ZGRF1: variants seen among roughly 807,000 people sequenced by gnomAD.
ZGRF1 encodes the protein zinc finger GRF-type containing 1, also known as 5'-3' DNA helicase ZGRF1.
ZGRF1 carries 196 observed loss-of-function variants against 203.5 expected under a neutral mutation model. The ratio of observed to expected loss-of-function variants is 0.96; its 90% confidence interval spans 0.86 to 1.08. The LOEUF (loss-of-function observed/expected upper bound fraction) is 1.08, where lower values mean the gene tolerates loss of function less well. Ranked by LOEUF, ZGRF1 falls within the 50% of genes least tolerant of loss-of-function variation. ZGRF1 has a pLI of 0.00. For missense variants in ZGRF1, 2,326 were observed against 2,416.3 expected (o/e 0.96, Z 0.78); for synonymous variants, 809 against 841.3 (o/e 0.96, Z 0.66).
chr4:112,581,848 C>T, intron 15 of ZGRF1, 46 bp from the exon 16 acceptor site: 1 of 1,044,474 alleles, frequency 9.6e-7, no homozygotes, highest in Non-Finnish European at 1.3e-6. Flanking sequence ...TATTAAGATG[C>T]AAGTTTTTTG....
intron 16 of ZGRF1, among the ~76,000 whole-genome samples, chr4:112,563,831 G>A (rs1308928087): frequency 6.6e-6 from 1 of 152,156 alleles, no homozygotes; most frequent in Non-Finnish European, 1.5e-5. Context: ...TGAATAACCA[G>A]TGAAGGCTCA....
intron 24 of ZGRF1, among the ~76,000 whole-genome samples, chr4:112,542,974 G>T (rs189549769): frequency 6.6e-6 from 1 of 152,050 alleles, no homozygotes; most frequent in East Asian, 1.9e-4. Context: ...TAGATTATAG[G>T]CATGAGCCAT....
chr4:112,620,634 G>A (rs1329441321), intron 4 of ZGRF1, among the ~76,000 whole-genome samples: 1 of 152,054 alleles, frequency 6.6e-6, no homozygotes, highest in Non-Finnish European at 1.5e-5. Context: ...CAAGGCAGGG[G>A]GATTGCTTGA....
intron 13 of ZGRF1, among the ~76,000 whole-genome samples, 199 bp from the exon 14 acceptor site, chr4:112,585,924 A>G (rs1200114685): frequency 6.6e-6 from 1 of 151,574 alleles, no homozygotes; most frequent in African/African-American, 2.4e-5. Flanking sequence ...AAAAAAAGGA[A>G]GAAAAACTCT....
chr4:112,558,427 A>G (rs372533148), intron 19 of ZGRF1, 118 bp from the exon 20 acceptor site: 4 of 783,222 alleles, frequency 5.1e-6, no homozygotes, highest in East Asian at 3.5e-5. Context: ...GAGTGCAGTG[A>G]CACAATCTCA....
At position 112,557,529 on chromosome 4, in the gene ZGRF1, A is replaced by C. The variant is rs1173982211; in HGVS notation, c.5120+621T>G. 7.9e-5 allele frequency among the ~76,000 whole-genome samples: 12 copies of C among 152,168 alleles called. No homozygotes were observed. In the East Asian group the frequency reaches 2.3e-3, roughly 29 times the overall value. On this transcript the variant is annotated intron_variant, in intron 20 of 27. Transcript: ENST00000505019. ...CCCAAGACTTCTAGATCAGAGACAAAGGACTTTTACTTATGGCACAGGAAG... is the reference window on the plus strand; with the variant it reads ...CCCAAGACTTCTAGATCAGAGACAACGGACTTTTACTTATGGCACAGGAAG...
rs976701282 is a variant in ZGRF1, at chr4:112,612,662, A to G, written c.2603-74T>C. On this transcript the variant is annotated intron_variant, in intron 6 of 27. Transcript: ENST00000505019. ...CTCTAAAATTTAACTTATTCCTAAA[A>G]CCAAAACAAGGAATATAACTTAAAT... 1.1e-5 allele frequency: 10 copies of G among 918,952 alleles called. No homozygotes were observed. The African/African-American group carries it at 1.5e-4, about 14-fold the overall frequency. 56.9% of individuals were successfully genotyped at this position (918,952 alleles called of 1,614,324 possible).
chr4:112,630,772 C>G (rs1438038701), intron 3 of ZGRF1, among the ~76,000 whole-genome samples: 2 of 151,736 alleles, frequency 1.3e-5, no homozygotes, highest in East Asian at 3.9e-4. Flanking sequence ...CACCTGTAGT[C>G]CCAGCTACTT....
rs1578292189 is a variant in ZGRF1, at chr4:112,564,864, C to A, written c.4439-1590G>T. The A allele has an allele frequency of 2.0e-5, 12 of 610,194 alleles. No homozygotes were observed. In the East Asian group the frequency reaches 3.3e-4, roughly 17 times the overall value. 37.8% of individuals were successfully genotyped at this position (610,194 alleles called of 1,614,324 possible). The stretch of plus-strand genomic sequence containing the variant: ...TCCTTCGAAGGTCACATTATAAATT[C>A]TTTTTACTGAATTGTGTTCGCAGCC... On this transcript the variant is annotated intron_variant, in intron 16 of 27. Coordinates refer to ENST00000505019, the MANE Select transcript of ZGRF1 (RefSeq NM_018392.5).
At position 112,603,553 on chromosome 4, in the gene ZGRF1, T is replaced by C. The variant is rs1424686576; in HGVS notation, c.2947A>G (p.Ser983Gly). 1 of 1,613,250 alleles carries C rather than the reference T, an allele frequency of 6.2e-7. No individual in the cohort carries two copies. The highest frequency in any genetic ancestry group is 8.5e-7 in the Non-Finnish European group (1 of 1,179,638). The part of the protein sequence containing the change: ...NFMTETPELP[S>G]TCMQIDFLQV... Reference sequence around the variant, plus strand: ...AAGAAGTCAATCTGCATACACGTGCTAGGTAACTCTGGTGTCTCTGTCATA... The same window carrying C: ...AAGAAGTCAATCTGCATACACGTGCCAGGTAACTCTGGTGTCTCTGTCATA... Residue 983 changes from serine (S) to glycine (G), a missense_variant, in exon 10 of 28, where the codon AGC becomes GGC. Physicochemically the swap from Ser to Gly is moderately conservative, Grantham distance 56. Coordinates refer to ENST00000505019, the MANE Select transcript of ZGRF1 (RefSeq NM_018392.5).
chr4:112,594,836 A>C (rs888631551), intron 10 of ZGRF1, among the ~76,000 whole-genome samples: 5 of 152,026 alleles, frequency 3.3e-5, no homozygotes, highest in African/African-American at 1.2e-4. Flanking sequence ...TTTTAATTCT[A>C]TTTCTTCCTT....
chr4:112,627,268 T>C (rs1025896376), intron 3 of ZGRF1, among the ~76,000 whole-genome samples: 2 of 152,228 alleles, frequency 1.3e-5, no homozygotes, highest in African/African-American at 2.4e-5. Flanking sequence ...TAAGAGGCTA[T>C]GCTTTCATAA....
chr4:112,624,667 G>A (rs2047172197), intron 3 of ZGRF1, among the ~76,000 whole-genome samples: 1 of 151,158 alleles, frequency 6.6e-6, no homozygotes, highest in African/African-American at 2.5e-5. Context: ...GGGGTAAGGG[G>A]GGAAAAAGGA....
chr4:112,615,833 T>A (rs943542824), intron 6 of ZGRF1, among the ~76,000 whole-genome samples: 36 of 148,986 alleles, frequency 2.4e-4, no homozygotes, highest in Admixed American at 1.1e-3. Flanking sequence ...CAGGGTTTCA[T>A]CATGTTGGCC....
intron 20 of ZGRF1, among the ~76,000 whole-genome samples, chr4:112,557,940 A>C (rs562125962): frequency 6.6e-6 from 1 of 152,312 alleles, no homozygotes; most frequent in Admixed American, 6.5e-5. Flanking sequence ...CACTGTGCCA[A>C]AATTTCCAGT....
rs746043137 is a variant in ZGRF1, at chr4:112,619,369, C to T, written c.673G>A (p.Asp225Asn). ...SPVNSGNKLS[D>N]SLLTNEPVKR... ...ACAGGCTCATTGGTCAGTAAAGAGT[C>T]TGAAAGCTTATTTCCAGAATTGACA... The change falls in exon 6 of 28, where the codon GAC (aspartate) becomes AAC (asparagine). Residue 225 changes from aspartate to asparagine, a missense_variant. Transcript: ENST00000505019. 1.2e-6 allele frequency: 2 copies of T among 1,613,222 alleles called. No homozygotes were observed. The highest frequency in any genetic ancestry group is 8.5e-7 in the Non-Finnish European group (1 of 1,179,492).
At position 112,584,050 on chromosome 4, in the gene ZGRF1, T is replaced by A. The variant is rs1044586959; in HGVS notation, c.4226A>T (p.Asp1409Val). 6.2e-6 allele frequency: 10 copies of A among 1,613,548 alleles called. No individual in the cohort carries two copies. The East Asian group carries it at 2.2e-4, about 36-fold the overall frequency. The change falls in exon 15 of 28, where the codon GAT (aspartate) becomes GTT (valine). Residue 1409 changes from aspartate to valine, a missense_variant. Physicochemically the swap from Asp to Val is radical, Grantham distance 152. Transcript: ENST00000505019. ...EGARPGMVLS[D>V]IKSIGLYLRS... Reference sequence around the variant, plus strand: ...TAAATATAAGCCAATACTCTTAATATCACTTAAAACCATGCCAGGTCGAGC... The same window carrying A: ...TAAATATAAGCCAATACTCTTAATAACACTTAAAACCATGCCAGGTCGAGC...
At chr4:112,547,202 A>C in intron 24 of ZGRF1, 83 bp downstream of exon 24, 2 of 1,357,766 alleles carry the variant, frequency 1.5e-6, no homozygotes, top group Non-Finnish European at 2.0e-6. Flanking sequence ...TAAGTCTTCT[A>C]ATATTTTCAT....
chr4:112,631,845 T>C, intron 3 of ZGRF1, 85 bp downstream of exon 3: 4 of 614,354 alleles, frequency 6.5e-6, no homozygotes, highest in Non-Finnish European at 1.1e-5. Context: ...ATATCTGACA[T>C]TTTATCATGT....
Sources: allele counts gnomAD v4.1 joint callset (sites outside exome capture counted in the v4.1 genomes callset), GRCh38; gene constraint gnomAD v4.1.1; transcripts MANE v1.5; gene names NCBI Gene and HGNC (gene_info 2026-07-23, HGNC 2026-07-21).